The following RASSF6 variants were observed in gnomAD, a reference collection of about 807,000 sequenced individuals.
The protein encoded by RASSF6 is Ras association domain family member 6, also known as ras association domain-containing protein 6.
In RASSF6, 52 loss-of-function variants were observed where a neutral mutation model predicts 44.0. The observed-to-expected ratio is 1.18, with a 90% CI of 0.95 to 1.49. The LOEUF is 1.49. Among genes scored for constraint, RASSF6 ranks in the 40% most tolerant of loss-of-function variants. The probability of loss-of-function intolerance (pLI) is 0.00; values close to 1 mark genes in which losing one functional copy is unlikely to be tolerated. For missense variants in RASSF6, 464 were observed against 393.3 expected (o/e 1.18, Z -1.52); for synonymous variants, 162 against 124.6 (o/e 1.30, Z -2.00).
intron 6 of RASSF6, among the ~76,000 whole-genome samples, chr4:73,584,673 T>C (rs553443554): frequency 2.6e-5 from 4 of 152,312 alleles, no homozygotes; most frequent in African/African-American, 7.2e-5. Context: ...CCAACCACTT[T>C]GTAGCACTTA....
chr4:73,591,386 G>T (rs1357190620), intron 4 of RASSF6, among the ~76,000 whole-genome samples: 1 of 152,084 alleles, frequency 6.6e-6, no homozygotes, highest in African/African-American at 2.4e-5. Context: ...TTCCTTTAAT[G>T]TTTGATATTT....
chr4:73,607,469 C>G (rs2149393603), intron 2 of RASSF6, among the ~76,000 whole-genome samples: 1 of 152,348 alleles, frequency 6.6e-6, no homozygotes, highest in Middle Eastern at 3.4e-3. Flanking sequence ...TTAGTCAGAT[C>G]TCTGTACAAA....
intron 5 of RASSF6, 134 bp downstream of exon 5, chr4:73,587,706 A>AAT (rs1466089615): frequency 9.4e-6 from 4 of 425,150 alleles, no homozygotes; most frequent in Non-Finnish European, 1.3e-5. Flanking sequence ...GATATTTAAA[A>AAT]ATATATATAC....
intron 5 of RASSF6, among the ~76,000 whole-genome samples, chr4:73,587,346 C>T (rs1724176723): frequency 6.6e-6 from 1 of 151,988 alleles, no homozygotes; most frequent in Admixed American, 6.6e-5. Context: ...TGAAATAACT[C>T]TATCAAATAT....
At chr4:73,607,526 C>CTT (rs997474396) in intron 2 of RASSF6, among the ~76,000 whole-genome samples, 6 of 152,158 alleles carry the variant, frequency 3.9e-5, no homozygotes, top group African/African-American at 1.4e-4. Flanking sequence ...TAAACTAGGG[C>CTT]TTTGTTCTTT....
chr4:73,610,690 G>A (rs1019842707), intron 2 of RASSF6, among the ~76,000 whole-genome samples: 7 of 152,128 alleles, frequency 4.6e-5, no homozygotes, highest in Admixed American at 2.0e-4. Flanking sequence ...AGTGCTTCCC[G>A]CTCACTGAGG....
intron 2 of RASSF6, among the ~76,000 whole-genome samples, chr4:73,610,149 C>A (rs151092723): frequency 6.6e-6 from 1 of 152,306 alleles, no homozygotes; most frequent in East Asian, 1.9e-4. Flanking sequence ...ATGTTAACTC[C>A]ATTTTTCTAG....
rs1001689603 is a variant in RASSF6 at position 73,604,652 on chromosome 4, T to A, written c.66-5934A>T. The A allele has an allele frequency of 3.3e-5, 5 of 152,198 alleles. No homozygotes were observed. In the East Asian group the frequency reaches 9.6e-4, roughly 29 times the overall value. The allele number at this position is 152,198 out of a possible 1,614,324, so 9.4% of individuals were successfully genotyped here. On this transcript the variant is annotated intron_variant, in intron 2 of 10. Coordinates refer to ENST00000307439, the MANE Select transcript of RASSF6 (RefSeq NM_177532.5). ...CAGGTTTTCTTTTTCCCACTGATTTTGTTCACGATATTAAATTTTAGCAGT... is the reference window on the plus strand; with the variant it reads ...CAGGTTTTCTTTTTCCCACTGATTTAGTTCACGATATTAAATTTTAGCAGT...
At chr4:73,584,265 T>C (rs1173005455) in intron 6 of RASSF6, among the ~76,000 whole-genome samples, 1 of 152,086 alleles carries the variant, frequency 6.6e-6, no homozygotes, top group Non-Finnish European at 1.5e-5. Flanking sequence ...GGAAAAAGCC[T>C]ACAAAGCAAT....
At position 73,590,611 on chromosome 4, in the gene RASSF6, C is replaced by T. The variant is rs915744998; in HGVS notation, c.288-2677G>A. ...CTTAGGTGGCTATGCACCCCATTAG[C>T]GAACCAGAAACCAGGGAAAAGCCAC... is the stretch of plus-strand genomic sequence containing the variant. On this transcript the variant is annotated intron_variant, in intron 4 of 10. Coordinates refer to ENST00000307439, the MANE Select transcript of RASSF6 (RefSeq NM_177532.5). 2.6e-5 allele frequency among the ~76,000 whole-genome samples: 4 copies of T among 152,268 alleles called. No homozygotes were observed. In the East Asian group the frequency reaches 7.7e-4, roughly 29 times the overall value.
At chr4:73,581,915 G>A in intron 7 of RASSF6, 47 bp from the exon 8 acceptor site, 1 of 1,491,084 alleles carries the variant, frequency 6.7e-7, no homozygotes. Flanking sequence ...GTTGTTATAT[G>A]ATGTTTTCTA....
intron 1 of RASSF6, among the ~76,000 whole-genome samples, chr4:73,615,606 A>G (rs1726304452): frequency 6.6e-6 from 1 of 152,246 alleles, no homozygotes; most frequent in African/African-American, 2.4e-5. Flanking sequence ...ATTGTGTGTA[A>G]AATAAGATCA....
chr4:73,599,188 A>G (rs1028787847), intron 2 of RASSF6, among the ~76,000 whole-genome samples: 10 of 152,166 alleles, frequency 6.6e-5, no homozygotes, highest in African/African-American at 2.4e-4. Flanking sequence ...GTATCCCTGA[A>G]TTTCCACAGC....
intron 4 of RASSF6, among the ~76,000 whole-genome samples, chr4:73,588,197 T>C (rs754734347): frequency 1.1e-4 from 17 of 152,106 alleles, no homozygotes; most frequent in Non-Finnish European, 2.2e-4. Context: ...ACAAGTTATA[T>C]AGATTCTGTA....
chr4:73,597,628 C>T (rs988420553), intron 3 of RASSF6, among the ~76,000 whole-genome samples: 1 of 152,094 alleles, frequency 6.6e-6, no homozygotes, highest in Non-Finnish European at 1.5e-5. Flanking sequence ...TGGGTATATA[C>T]CCAATGGAGA....
chr4:73,616,063 A>G, intron 1 of RASSF6: 1 of 793,592 alleles, frequency 1.3e-6, no homozygotes, highest in South Asian at 1.6e-5. Context: ...AATTCAACAA[A>G]TATTTCACGA....
At chr4:73,588,370 C>T (rs986159763) in intron 4 of RASSF6, among the ~76,000 whole-genome samples, 3 of 151,988 alleles carry the variant, frequency 2.0e-5, no homozygotes, top group African/African-American at 7.2e-5. Context: ...TAGAGTGGCT[C>T]TAAAATAATA....
intron 2 of RASSF6, among the ~76,000 whole-genome samples, chr4:73,603,800 G>A (rs371138224): frequency 3.9e-5 from 6 of 152,196 alleles, no homozygotes; most frequent in African/African-American, 1.4e-4. Flanking sequence ...AGTGAATTAT[G>A]TCTGATATCC....
chr4:73,585,401 TG>T, intron 5 of RASSF6, 37 bp from the exon 6 acceptor site: 1 of 1,415,010 alleles, frequency 7.1e-7, no homozygotes, highest in Non-Finnish European at 9.5e-7. Context: ...ATCATTCAGC[TG>T]CCTGTGTCCT....
Sources: allele counts gnomAD v4.1 joint callset (sites outside exome capture counted in the v4.1 genomes callset), GRCh38; gene constraint gnomAD v4.1.1; transcripts MANE v1.5; gene names NCBI Gene and HGNC (gene_info 2026-07-23, HGNC 2026-07-21).